BRSK2: variants seen among roughly 807,000 people sequenced by gnomAD.
BRSK2 encodes the protein BR serine/threonine kinase 2.
In BRSK2, 19 loss-of-function variants were observed where a neutral mutation model predicts 83.3. That is an observed-to-expected ratio of 0.23 (90% CI 0.16 to 0.33). BRSK2 has a LOEUF of 0.33. Ranked by LOEUF, BRSK2 falls within the 10% of genes least tolerant of loss-of-function variation. The pLI, the probability that BRSK2 is intolerant of heterozygous loss-of-function variation, is 1.00. For missense variants in BRSK2, 798 were observed against 1,042.3 expected, an observed-to-expected ratio of 0.77 and a Z score of 3.23; for synonymous variants, 519 against 435.4, an observed-to-expected ratio of 1.19 and a Z score of -2.39.
At chr11:1,455,660 C>T (rs1846423776) in intron 16 of BRSK2, among the ~76,000 whole-genome samples, 1 of 152,036 alleles carries the variant, frequency 6.6e-6, no homozygotes. Flanking sequence ...CCGTCCCCGT[C>T]CCCACAGGCT....
chr11:1,443,067 G>A lies in BRSK2; in HGVS notation c.531-39G>A, dbSNP rs375326277. On this transcript the variant is annotated intron_variant, in intron 5 of 19. Coordinates refer to ENST00000528841, the MANE Select transcript of BRSK2 (RefSeq NM_001256627.2). The stretch of plus-strand genomic sequence containing the variant: ...CACCCTGGGGGGAGGGCCTGGCAGC[G>A]CCCGGAGCCCCGCCGCTGACCTCTG... 4,233 of 1,524,362 alleles carry A rather than the reference G, an allele frequency of 2.8e-3. 126 individuals carry two copies. The South Asian group carries it at 0.043, about 15-fold the overall frequency. The allele number at this position is 1,524,362 out of a possible 1,614,324, so 94.4% of individuals were successfully genotyped here. A position where few individuals can be genotyped will look rare whatever the true frequency, so the allele number is the denominator to read the frequency against.
Position 1,452,592 on chromosome 11 carries a change from G to A in BRSK2, c.1544+1173G>A, listed in dbSNP as rs147197826. On this transcript the variant is annotated intron_variant, in intron 15 of 19. Coordinates refer to ENST00000528841, the MANE Select transcript of BRSK2 (RefSeq NM_001256627.2). ...CTGACCCCTCTCAAGGGTCCGGCAC[G>A]GATGCCTCCCACAGCCCCACCCAAG... Among the ~76,000 whole-genome samples, 408 of 152,062 alleles carry A rather than the reference G, an allele frequency of 2.7e-3. 4 individuals carry two copies. Among genetic ancestry groups the A allele is most frequent in the Non-Finnish European group, 2.0e-3 (136 of 67,980 alleles).
chr11:1,428,304 G>T (rs1290946795), intron 1 of BRSK2, among the ~76,000 whole-genome samples: 1 of 152,220 alleles, frequency 6.6e-6, no homozygotes, highest in Non-Finnish European at 1.5e-5. Flanking sequence ...CCAGCCTCAA[G>T]GACGTGGGCA....
At chr11:1,445,169 TC>T in intron 9 of BRSK2, 124 bp from the exon 10 acceptor site, 1 of 1,478,846 alleles carries the variant, frequency 6.8e-7, no homozygotes. Context: ...GCAGGAGGCC[TC>T]CCCGGGCTGG....
chr11:1,402,844 C>A (rs188023764), intron 1 of BRSK2, among the ~76,000 whole-genome samples: 3 of 152,098 alleles, frequency 2.0e-5, no homozygotes, highest in African/African-American at 7.2e-5. Context: ...GCGCTGAGCT[C>A]GGCAGAGTGA....
intron 14 of BRSK2, among the ~76,000 whole-genome samples, chr11:1,451,083 G>T (rs1845763934): frequency 1.3e-5 from 2 of 152,262 alleles, no homozygotes; most frequent in Admixed American, 1.3e-4. Flanking sequence ...GGCACTGCCA[G>T]TCAGGAGGCC....
chr11:1,394,589 G>A (rs1436806932), intron 1 of BRSK2, among the ~76,000 whole-genome samples: 1 of 74,640 alleles, frequency 1.3e-5, no homozygotes, highest in African/African-American at 5.6e-5. Context: ...CATGGAGATG[G>A]GTCCTGGAGA....
chr11:1,407,775 G>A (rs1846996796), intron 1 of BRSK2, among the ~76,000 whole-genome samples: 1 of 152,260 alleles, frequency 6.6e-6, no homozygotes, highest in Non-Finnish European at 1.5e-5. Flanking sequence ...GGCTCCGCTG[G>A]GATTGGGTCC....
chr11:1,414,015 T>C (rs1462490147), intron 1 of BRSK2, among the ~76,000 whole-genome samples: 2 of 152,272 alleles, frequency 1.3e-5, no homozygotes, highest in African/African-American at 2.4e-5. Context: ...AATAGTCATG[T>C]GATCCCCAGG....
intron 1 of BRSK2, among the ~76,000 whole-genome samples, chr11:1,413,792 A>G (rs1250955788): frequency 6.6e-6 from 1 of 152,136 alleles, no homozygotes; most frequent in Non-Finnish European, 1.5e-5. Context: ...CCCTCCTGCC[A>G]TCTCTGGGGG....
intron 1 of BRSK2, among the ~76,000 whole-genome samples, chr11:1,392,681 G>A (rs1040856963): frequency 6.6e-6 from 1 of 152,084 alleles, no homozygotes; most frequent in Non-Finnish European, 1.5e-5. Context: ...GGGAGACCAC[G>A]CAGCACCCCC....
intron 1 of BRSK2, among the ~76,000 whole-genome samples, chr11:1,435,206 AGAG>A (rs758433460): frequency 1.6e-5 from 2 of 127,284 alleles, no homozygotes; most frequent in East Asian, 2.3e-4. Flanking sequence ...GCATCTCAGC[AGAG>A]GAGGGGTGCC....
At chr11:1,439,574 G>T (rs755093143) in intron 3 of BRSK2, among the ~76,000 whole-genome samples, 8 of 152,182 alleles carry the variant, frequency 5.3e-5, no homozygotes, top group Non-Finnish European at 8.8e-5. Context: ...GCAGGCCAAG[G>T]CCCAAGAACA....
chr11:1,413,222 G>T (rs1048303283), intron 1 of BRSK2, among the ~76,000 whole-genome samples: 3 of 152,074 alleles, frequency 2.0e-5, no homozygotes, highest in African/African-American at 7.2e-5. Flanking sequence ...GACGGCCCCT[G>T]GGGACGGCCC....
intron 19 of BRSK2, 33 bp downstream of exon 19, chr11:1,459,272 AC>A: frequency 6.5e-7 from 1 of 1,543,312 alleles, no homozygotes; most frequent in Non-Finnish European, 8.7e-7. Flanking sequence ...TGGCACCTCC[AC>A]CTGCCACTTC....
chr11:1,439,099 C>T (rs746042748), intron 3 of BRSK2, among the ~76,000 whole-genome samples: 2 of 152,170 alleles, frequency 1.3e-5, no homozygotes, highest in African/African-American at 4.8e-5. Context: ...CCCAGGGCGG[C>T]GGCGTGACCT....
At position 1,460,469 on chromosome 11, in the gene BRSK2, T is replaced by C. The variant is rs1039275766; in HGVS notation, c.1988-31T>C. 110 of 1,260,466 alleles carry C rather than the reference T, an allele frequency of 8.7e-5. 2 individuals are homozygous for C. Among genetic ancestry groups the C allele is most frequent in the Non-Finnish European group, 1.0e-4 (102 of 999,284 alleles). 78.1% of individuals were successfully genotyped at this position (1,260,466 alleles called of 1,614,324 possible). A position where few individuals can be genotyped will look rare whatever the true frequency, so the allele number is the denominator to read the frequency against. ...CTTTTTTTTCTTTTTTCCTTTTTTT[T>C]TTTTTTTTTGTCTCTGTTCTGTGTA... On this transcript the variant is annotated intron_variant, in intron 19 of 19. Coordinates refer to ENST00000528841, the MANE Select transcript of BRSK2 (RefSeq NM_001256627.2).
In BRSK2 at chr11:1,454,458, T is replaced by A. The variant is rs757337107; in HGVS notation, c.1545-27T>A. The stretch of plus-strand genomic sequence containing the variant: ...TGTGGACGGTGCCACACCTCAATCC[T>A]CACAGCCTCTGTCTCCCACTGCCCA... On this transcript the variant is annotated intron_variant, in intron 15 of 19. Coordinates refer to ENST00000528841, the MANE Select transcript of BRSK2 (RefSeq NM_001256627.2). The surrounding 1 kb of genome is among the most constrained non-coding windows in gnomAD (Gnocchi z 5.2). 1 of 1,611,790 alleles carries A rather than the reference T, an allele frequency of 6.2e-7. No individual in the cohort carries two copies. Among genetic ancestry groups the A allele is most frequent in the Non-Finnish European group, 8.5e-7 (1 of 1,179,454 alleles).
rs545529453 is a variant in BRSK2, at chr11:1,396,633, G to A, written c.91+6258G>A. Among the ~76,000 whole-genome samples the A allele has an allele frequency of 4.2e-4, 64 of 152,348 alleles. No homozygotes were observed. In the East Asian group the frequency reaches 5.8e-3, roughly 14 times the overall value. On this transcript the variant is annotated intron_variant, in intron 1 of 19. Transcript: ENST00000528841. ...GGCCCCTTTGCCATCACCTGGTGGC[G>A]CTTGCTTGAGGGCTTCTGTGCCTTC...
Sources: gnomAD v4.1 joint callset for allele counts (sites outside exome capture counted in the v4.1 genomes callset) on GRCh38, gnomAD v4.1.1 for gene constraint, Gnocchi (gnomAD v3.1) non-coding constraint, MANE v1.5 for transcripts, NCBI Gene and HGNC (gene_info 2026-07-23, HGNC 2026-07-21) for gene names.